The following CLN6 variants were observed in gnomAD, a reference collection of about 807,000 sequenced individuals.
The protein encoded by CLN6 is CLN6 transmembrane ER protein.
A neutral mutation model predicts 33.3 loss-of-function variants in CLN6; 22 were observed. The ratio of observed to expected loss-of-function variants is 0.66; its 90% CI spans 0.47 to 0.94. The LOEUF (loss-of-function observed/expected upper bound fraction) is 0.94. CLN6 is among the 40% of genes least tolerant of loss of function. The pLI, the probability that CLN6 is intolerant of heterozygous loss-of-function variation, is 0.00. For missense variants in CLN6, 387 were observed against 417.1 expected (o/e 0.93, Z 0.63); for synonymous variants, 201 against 174.6 (o/e 1.15, Z -1.19).
Position 68,256,416 on chromosome 15 carries a change from CCT to C in CLN6, c.179+272_179+273del, listed in dbSNP as rs1567107578. Among the ~76,000 whole-genome samples the C allele has an allele frequency of 6.6e-6, 1 of 152,134 alleles. No homozygotes were observed. The highest frequency in any genetic ancestry group is 1.5e-5 in the Non-Finnish European group (1 of 68,010). On this transcript the variant is annotated intron_variant, in intron 1 of 6. Transcript: ENST00000538696. This position sits in a 1 kb window ranked among gnomAD's most constrained non-coding sequence, Gnocchi z 4.1. Reference sequence around the variant, plus strand: ...GAGCCACCATGCCCGGCCATTTTTCCCTTTTTTAAATGTGGTTACTAGAAAAT... The same window carrying C: ...GAGCCACCATGCCCGGCCATTTTTCCTTTTTAAATGTGGTTACTAGAAAAT...
Position 68,241,539 on chromosome 15 carries a change from T to G in CLN6, c.179+15151A>C, listed in dbSNP as rs1381181953. Among the ~76,000 whole-genome samples, 34 of 151,888 alleles carry G rather than the reference T, an allele frequency of 2.2e-4. 1 individual carries two copies. Among genetic ancestry groups the G allele is most frequent in the Non-Finnish European group, 1.5e-5 (1 of 67,928 alleles). The stretch of plus-strand genomic sequence containing the variant: ...TTGTGGGTTTCCTGGCAGGAGACCT[T>G]GCCTCTGCCTCAACCCATGGGAAGC... On this transcript the variant is annotated intron_variant, in intron 1 of 6. Transcript: ENST00000538696. The surrounding 1 kb of genome is among the most constrained non-coding windows in gnomAD (Gnocchi z 4.2).
chr15:68,208,243 GCGAC>G lies in CLN6; in HGVS notation c.829_832del (p.Val277ProfsTer72), dbSNP rs1595816474. Reference sequence around the variant, plus strand: ...GAGAACAGGGTCATTCCACAGCCAGGCGACCCAGAGCGCCACAAGCAAGAGGGTC... The same window carrying G: ...GAGAACAGGGTCATTCCACAGCCAGGCCAGAGCGCCACAAGCAAGAGGGTC... On this transcript the variant is annotated frameshift_variant, in exon 7 of 7. Coordinates refer to ENST00000249806, the MANE Select transcript of CLN6 (RefSeq NM_017882.3). LOFTEE classifies it high-confidence loss of function. This position sits in a 1 kb window ranked among gnomAD's most constrained non-coding sequence, Gnocchi z 5.8. 5 of 1,613,906 alleles carry G rather than the reference GCGAC, an allele frequency of 3.1e-6. No homozygotes were observed. The highest frequency in any genetic ancestry group is 1.3e-5 in the African/African-American group (1 of 74,882).
rs1555438212 is a variant in CLN6, at chr15:68,208,239, C to T, written c.837G>A (p.Trp279Ter). ...TCCTGAGAACAGGGTCATTCCACAG[C>T]CAGGCGACCCAGAGCGCCACAAGCA... ...TLLLVALWVAWLWNDPVLRKK... is the reference protein window; with the variant it reads ...TLLLVALWVA Residue 279 changes from tryptophan to a stop codon, truncating the protein, a stop_gained, in exon 7 of 7, where the codon TGG becomes TGA. Transcript: ENST00000249806. LOFTEE classifies it high-confidence loss of function. The surrounding 1 kb of genome is among the most constrained non-coding windows in gnomAD (Gnocchi z 5.8). 1 of 1,613,898 alleles carries T rather than the reference C, an allele frequency of 6.2e-7. No homozygotes were observed. The highest frequency in any genetic ancestry group is 8.5e-7 in the Non-Finnish European group (1 of 1,180,004).
intron 2 of CLN6, among the ~76,000 whole-genome samples, chr15:68,215,892 G>A (rs1428882493): frequency 2.6e-5 from 4 of 152,238 alleles, no homozygotes; most frequent in African/African-American, 9.6e-5. Context: ...GAAACTGTCA[G>A]CAGTGGGACA....
intron 1 of CLN6, 109 bp downstream of exon 1, chr15:68,229,393 C>T (rs1393085571): frequency 1.2e-6 from 1 of 852,854 alleles, no homozygotes; most frequent in Non-Finnish European, 1.7e-6. Flanking sequence ...CCCCGGCCAG[C>T]GCCGCACACG....
chr15:68,236,895 C>T lies in CLN6; in HGVS notation c.180-18245G>A, dbSNP rs1200628633. 2.0e-5 allele frequency among the ~76,000 whole-genome samples: 3 copies of T among 152,088 alleles called. No homozygotes were observed. The highest frequency in any genetic ancestry group is 7.2e-5 in the African/African-American group (3 of 41,418). Reference sequence around the variant, plus strand: ...GGAGGCGGCCGGGCGCGGTGGCTCACGCCTGTAATCCCAGCACTTTGGGAG... The same window carrying T: ...GGAGGCGGCCGGGCGCGGTGGCTCATGCCTGTAATCCCAGCACTTTGGGAG... On this transcript the variant is annotated intron_variant, in intron 1 of 6. Transcript: ENST00000538696. The surrounding 1 kb of genome is among the most constrained non-coding windows in gnomAD (Gnocchi z 4.5).
Position 68,256,569 on chromosome 15 carries a change from T to C in CLN6, c.179+121A>G, listed in dbSNP as rs982637316. 3 of 539,594 alleles carry C rather than the reference T, an allele frequency of 5.6e-6. No individual in the cohort carries two copies. Among genetic ancestry groups the C allele is most frequent in the Non-Finnish European group, 1.0e-5 (3 of 301,354 alleles). 33.4% of individuals were successfully genotyped at this position (539,594 alleles called of 1,614,324 possible). ...AGTATTTGTTATTACAATACTCTCT[T>C]TGGGATCCCCACACACGTGGCTGGC... On this transcript the variant is annotated intron_variant, in intron 1 of 6. Transcript: ENST00000538696. This position sits in a 1 kb window ranked among gnomAD's most constrained non-coding sequence, Gnocchi z 4.1.
At chr15:68,217,276 G>C (rs1361006106) in intron 2 of CLN6, among the ~76,000 whole-genome samples, 1 of 152,172 alleles carries the variant, frequency 6.6e-6, no homozygotes, top group South Asian at 2.1e-4. Context: ...GTGTTGCCCA[G>C]GCTGGAGTGC....
chr15:68,225,692 G>T (rs1406710324), intron 1 of CLN6, among the ~76,000 whole-genome samples: 1 of 152,202 alleles, frequency 6.6e-6, no homozygotes, highest in East Asian at 1.9e-4. Context: ...GGAATCAAAG[G>T]CTGGGCGCAG....
rs2093229190 is a variant in CLN6, at chr15:68,219,370, G to C, written c.84-720C>G. Among the ~76,000 whole-genome samples the C allele has an allele frequency of 6.6e-6, 1 of 152,194 alleles. No homozygotes were observed. The highest frequency in any genetic ancestry group is 1.5e-5 in the Non-Finnish European group (1 of 68,042). The stretch of plus-strand genomic sequence containing the variant: ...TGATTCCAGCACTGTGAGGAGGTCA[G>C]GTTGGGCTGCTGGTAATCCTCTTCT... On this transcript the variant is annotated intron_variant, in intron 1 of 6. Coordinates refer to ENST00000249806, the MANE Select transcript of CLN6 (RefSeq NM_017882.3). This position sits in a 1 kb window ranked among gnomAD's most constrained non-coding sequence, Gnocchi z 4.2.
At chr15:68,253,996 G>T (rs1209303117) in intron 1 of CLN6, among the ~76,000 whole-genome samples, 1 of 151,864 alleles carries the variant, frequency 6.6e-6, no homozygotes, top group Middle Eastern at 3.4e-3. Flanking sequence ...TCCTGCCTCA[G>T]CCTCCCGAGC....
chr15:68,209,677 G>T lies in CLN6; in HGVS notation c.625C>A (p.Pro209Thr), dbSNP rs1064794559. The T allele has an allele frequency of 2.5e-6, 4 of 1,613,654 alleles. No homozygotes were observed. The highest frequency in any genetic ancestry group is 1.7e-6 in the Non-Finnish European group (2 of 1,179,974). The stretch of plus-strand genomic sequence containing the variant: ...CTGGGTGCCACCAGGAGCAGGGCAG[G>T]CCCTGGAATCAAGCTCTCAGCTTTA... ...ASKAESLIPG[P>T]ALLLVAPSGL... is the part of the protein sequence containing the mutation. The change falls in exon 6 of 7, where the codon CCT (proline) becomes ACT (threonine). Residue 209 changes from proline to threonine, a missense_variant. Pro to Thr is a conservative substitution (Grantham distance 38, BLOSUM62 -1). Transcript: ENST00000249806. This position sits in a 1 kb window ranked among gnomAD's most constrained non-coding sequence, Gnocchi z 4.9.
At position 68,209,410 on chromosome 15, in the gene CLN6, C is replaced by T. The variant is rs1390674579; in HGVS notation, c.665+227G>A. On this transcript the variant is annotated intron_variant, in intron 6 of 6. Transcript: ENST00000249806. The surrounding 1 kb of genome is among the most constrained non-coding windows in gnomAD (Gnocchi z 4.9). ...AGGATGGAGACAGACTGTGCAACCTCGCCCTCTCCTCCCACCTCCCTGCCA... is the reference window on the plus strand; with the variant it reads ...AGGATGGAGACAGACTGTGCAACCTTGCCCTCTCCTCCCACCTCCCTGCCA... Among the ~76,000 whole-genome samples, 1 of 152,118 alleles carries T rather than the reference C, an allele frequency of 6.6e-6. No individual in the cohort carries two copies. Among genetic ancestry groups the T allele is most frequent in the Non-Finnish European group, 1.5e-5 (1 of 68,002 alleles).
chr15:68,218,469 G>A (rs899638753), intron 2 of CLN6, 67 bp downstream of exon 2: 44 of 1,168,440 alleles, frequency 3.8e-5, no homozygotes, highest in East Asian at 3.3e-4. Context: ...AAGGTCACTC[G>A]GCAAATTCAA....
intron 3 of CLN6, chr15:68,212,159 G>C: frequency 2.3e-6 from 1 of 435,734 alleles, no homozygotes; most frequent in Non-Finnish European, 4.3e-6. Flanking sequence ...GGAGGGGACA[G>C]CCCAGCCTTC....
At chr15:68,243,860 G>A (rs966168433) in intron 1 of CLN6, among the ~76,000 whole-genome samples, 3 of 151,236 alleles carry the variant, frequency 2.0e-5, no homozygotes, top group East Asian at 1.9e-4. Flanking sequence ...TCAGGAGATC[G>A]AGACCATCCT....
intron 1 of CLN6, among the ~76,000 whole-genome samples, chr15:68,222,240 C>T (rs1253236395): frequency 6.8e-6 from 1 of 147,098 alleles, no homozygotes; most frequent in Non-Finnish European, 1.5e-5. Context: ...AGGAGCCCTT[C>T]TGCCTGGCCG....
At chr15:68,240,317 G>A (rs1892269717) in intron 1 of CLN6, among the ~76,000 whole-genome samples, 1 of 152,186 alleles carries the variant, frequency 6.6e-6, no homozygotes, top group African/African-American at 2.4e-5. Context: ...CCAAGGCCAG[G>A]CCAGGCGCAG....
chr15:68,233,914 G>A (rs929496954), upstream of CLN6, among the ~76,000 whole-genome samples: 1 of 152,226 alleles, frequency 6.6e-6, no homozygotes, highest in African/African-American at 2.4e-5. This position sits in a 1 kb window ranked among gnomAD's most constrained non-coding sequence, Gnocchi z 4.3. Context: ...CTCCCCATCT[G>A]GCTGAAGAAG....
Sources: gnomAD v4.1 joint callset for allele counts (sites outside exome capture counted in the v4.1 genomes callset) on GRCh38, gnomAD v4.1.1 for gene constraint, Gnocchi (gnomAD v3.1) non-coding constraint, MANE v1.5 for transcripts, NCBI Gene and HGNC (gene_info 2026-07-23, HGNC 2026-07-21) for gene names.